Variants in RPRD1B observed in about 807,000 individuals in gnomAD.
RPRD1B encodes regulation of nuclear pre-mRNA domain containing 1B.
A neutral mutation model predicts 41.5 loss-of-function variants in RPRD1B; 11 were observed. The observed-to-expected ratio is 0.27, with a 90% CI of 0.17 to 0.44. The LOEUF (loss-of-function observed/expected upper bound fraction) is 0.44. Among genes scored for constraint, RPRD1B ranks in the 20% least tolerant of loss-of-function variants. The pLI, the probability that RPRD1B is intolerant of heterozygous loss-of-function variation, is 1.00. For synonymous variants in RPRD1B, 158 were observed against 155.6 expected (o/e 1.02, Z -0.12); for missense variants, 248 against 389.9 (o/e 0.64, Z 3.06).
At position 38,046,227 on chromosome 20, in the gene RPRD1B, G is replaced by A. The variant is rs555685324; in HGVS notation, c.282-2121G>A. Among the ~76,000 whole-genome samples the A allele has an allele frequency of 3.0e-4, 46 of 152,270 alleles. No individual in the cohort carries two copies. In the South Asian group the frequency reaches 8.3e-3, roughly 27 times the overall value. ...AACAGGTCTGAGGGATTGCTGAGTC[G>A]AGCCCTAGAGGTCAGGACCCAGGCC... On this transcript the variant is annotated intron_variant, in intron 2 of 6. Transcript: ENST00000373433.
rs2074611329 is a variant in RPRD1B at position 38,091,487 on chromosome 20, T to C, written c.*1612T>C. On this transcript the variant is annotated 3_prime_UTR_variant, in exon 7 of 7. Transcript: ENST00000373433. ...TATTCAGATTTGAATTCAGACTGTG[T>C]GTTGTTTGCTTATGGACACTGCCTG... The C allele has an allele frequency of 1.0e-6, 1 of 985,316 alleles. No individual in the cohort carries two copies. The highest frequency in any genetic ancestry group is 6.1e-5 in the Admixed American group (1 of 16,266). 61.0% of individuals were successfully genotyped at this position (985,316 alleles called of 1,614,324 possible). A position where few individuals can be genotyped will look rare whatever the true frequency, so the allele number is the denominator to read the frequency against.
intron 5 of RPRD1B, among the ~76,000 whole-genome samples, chr20:38,061,528 T>TC (rs1192871517): frequency 6.6e-6 from 1 of 152,240 alleles, no homozygotes; most frequent in African/African-American, 2.4e-5. Flanking sequence ...TCCTGCATTC[T>TC]CCATTTTTTA....
At chr20:38,048,150 T>C (rs936355945) in intron 2 of RPRD1B, among the ~76,000 whole-genome samples, 198 bp from the exon 3 acceptor site, 1 of 152,244 alleles carries the variant, frequency 6.6e-6, no homozygotes, top group Non-Finnish European at 1.5e-5. Context: ...AATTATGGCA[T>C]GATCCCTCCC....
At chr20:38,062,776 C>T (rs1195242728) in intron 5 of RPRD1B, among the ~76,000 whole-genome samples, 3 of 151,152 alleles carry the variant, frequency 2.0e-5, no homozygotes, top group East Asian at 1.9e-4. Context: ...TCATGTCTCC[C>T]GCTCCACATA....
chr20:38,090,307 A>C lies in RPRD1B; in HGVS notation c.*432A>C, dbSNP rs1367642049. 2.0e-6 allele frequency: 2 copies of C among 987,742 alleles called. No individual in the cohort carries two copies. The highest frequency in any genetic ancestry group is 3.5e-5 in the African/African-American group (2 of 57,244). 61.2% of individuals were successfully genotyped at this position (987,742 alleles called of 1,614,324 possible). A position where few individuals can be genotyped will look rare whatever the true frequency, so the allele number is the denominator to read the frequency against. On this transcript the variant is annotated 3_prime_UTR_variant, in exon 7 of 7. Transcript: ENST00000373433. ...TCAAGTTCGGTGTGGGCTTCCACTA[A>C]GGCACTTGTCCTGGAGACGTTGGCT...
intron 6 of RPRD1B, among the ~76,000 whole-genome samples, chr20:38,080,491 C>G (rs996002929): frequency 1.3e-5 from 2 of 152,160 alleles, no homozygotes; most frequent in African/African-American, 4.8e-5. Context: ...TCAGCTTTGT[C>G]AAAGATCAGA....
At chr20:38,089,667 G>A (rs1055417681) in intron 6 of RPRD1B, 59 bp from the exon 7 acceptor site, 3 of 1,428,176 alleles carry the variant, frequency 2.1e-6, no homozygotes, top group South Asian at 1.2e-5. Context: ...GGCTCCAGCA[G>A]CACCCATGCC....
chr20:38,048,856 GTT>G (rs1181562290), intron 3 of RPRD1B, among the ~76,000 whole-genome samples: 7 of 152,158 alleles, frequency 4.6e-5, no homozygotes, highest in African/African-American at 9.7e-5. Flanking sequence ...CCTTGGATAA[GTT>G]TCTTAGCTTT....
chr20:38,041,959 T>C (rs2074070599), intron 2 of RPRD1B, among the ~76,000 whole-genome samples: 1 of 152,220 alleles, frequency 6.6e-6, no homozygotes, highest in Non-Finnish European at 1.5e-5. Context: ...GAATACCATT[T>C]ATATAGCCTC....
chr20:38,067,760 G>A (rs900727324), intron 6 of RPRD1B, among the ~76,000 whole-genome samples: 1 of 152,166 alleles, frequency 6.6e-6, no homozygotes, highest in Non-Finnish European at 1.5e-5. Context: ...AGTACCAGAC[G>A]GTCATTTATC....
At chr20:38,078,766 G>A (rs1167732712) in intron 6 of RPRD1B, among the ~76,000 whole-genome samples, 3 of 152,156 alleles carry the variant, frequency 2.0e-5, no homozygotes, top group African/African-American at 7.2e-5. Flanking sequence ...TTGATGGACT[G>A]ACTGGACTAT....
At chr20:38,071,392 T>G (rs533432623) in intron 6 of RPRD1B, among the ~76,000 whole-genome samples, 88 of 152,238 alleles carry the variant, frequency 5.8e-4, no homozygotes, top group Non-Finnish European at 1.0e-3. Flanking sequence ...TCTTTTATGG[T>G]AGAACACTAA....
chr20:38,057,372 T>C (rs1268794409), intron 3 of RPRD1B, among the ~76,000 whole-genome samples, 160 bp from the exon 4 acceptor site: 1 of 152,212 alleles, frequency 6.6e-6, no homozygotes, highest in African/African-American at 2.4e-5. Context: ...TGTAGGGAAC[T>C]ACAGTCAATT....
Position 38,057,641 on chromosome 20 carries a change from C to G in RPRD1B, c.525C>G (p.Leu175=), listed in dbSNP as rs759554930. The stretch of plus-strand genomic sequence containing the variant: ...CTCAGGATCCTTCTGCAGGACCCCT[C>G]TTGGTAGGTCTTGACCCCCAGAGAG... ...YSPQDPSAGP[L]LTEELIKALQ... The change falls in exon 4 of 7, where the codon CTC becomes CTG. Residue 175 remains leucine (L), a synonymous_variant. Transcript: ENST00000373433. 5.6e-6 allele frequency: 9 copies of G among 1,605,654 alleles called. No individual in the cohort carries two copies. The South Asian group carries it at 9.9e-5, about 18-fold the overall frequency.
chr20:38,090,217 G>GA lies in RPRD1B; in HGVS notation c.*344dup, dbSNP rs2074601396. Reference sequence around the variant, plus strand: ...TGTGTACTTCTGGAAGCTTTCGAAAGAATCTTGTCCCTCATGACAGCATTT... The same window carrying GA: ...TGTGTACTTCTGGAAGCTTTCGAAAGAAATCTTGTCCCTCATGACAGCATTT... On this transcript the variant is annotated 3_prime_UTR_variant, in exon 7 of 7. Coordinates refer to ENST00000373433, the MANE Select transcript of RPRD1B (RefSeq NM_021215.4). The GA allele has an allele frequency of 9.9e-7, 1 of 1,007,660 alleles. No individual in the cohort carries two copies. The allele number at this position is 1,007,660 out of a possible 1,614,324, so 62.4% of individuals were successfully genotyped here.
chr20:38,081,800 T>A (rs1359654543), intron 6 of RPRD1B, among the ~76,000 whole-genome samples: 1 of 152,214 alleles, frequency 6.6e-6, no homozygotes, highest in Non-Finnish European at 1.5e-5. Flanking sequence ...TCTGCATCTG[T>A]TGAAATTTGA....
intron 2 of RPRD1B, among the ~76,000 whole-genome samples, chr20:38,044,372 ATT>A (rs74179885): frequency 3.5e-4 from 43 of 124,474 alleles, no homozygotes; most frequent in Middle Eastern, 4.1e-3. Flanking sequence ...TCAGGTGTTC[ATT>A]TTTTTTTTTT....
Position 38,057,540 on chromosome 20 carries a change from G to A in RPRD1B, c.424G>A (p.Glu142Lys). The A allele has an allele frequency of 6.2e-7, 1 of 1,612,828 alleles. No individual in the cohort carries two copies. The highest frequency in any genetic ancestry group is 8.5e-7 in the Non-Finnish European group (1 of 1,178,802). ...SKSPPPKATE[E>K]KKSLKRTFQQ... ...CTTTCTCTTTTGTCTAGCAACAGAA[G>A]AGAAGAAATCTCTGAAACGAACTTT... The change falls in exon 4 of 7, where the codon GAG (glutamate) becomes AAG (lysine). Residue 142 changes from glutamate (E) to lysine (K), a missense_variant. Coordinates refer to ENST00000373433, the MANE Select transcript of RPRD1B (RefSeq NM_021215.4).
intron 1 of RPRD1B, among the ~76,000 whole-genome samples, chr20:38,034,891 C>A (rs1034119143): frequency 2.0e-5 from 3 of 152,246 alleles, no homozygotes; most frequent in Non-Finnish European, 2.9e-5. Context: ...ACTTTGCCGC[C>A]TTACTGACCC....
Sources: gnomAD v4.1 joint callset for allele counts (sites outside exome capture counted in the v4.1 genomes callset) on GRCh38, gnomAD v4.1.1 for gene constraint, MANE v1.5 for transcripts, NCBI Gene and HGNC (gene_info 2026-07-23, HGNC 2026-07-21) for gene names.